Variants in ZMAT4 observed in about 807,000 individuals in gnomAD.
ZMAT4 encodes the protein zinc finger matrin-type 4.
A neutral mutation model predicts 28.7 loss-of-function variants in ZMAT4; 17 were observed. The observed-to-expected ratio is 0.59, with a 90% CI of 0.41 to 0.89. The LOEUF (loss-of-function observed/expected upper bound fraction) is 0.89. Ranked by LOEUF, ZMAT4 falls within the 40% of genes least tolerant of loss-of-function variation. The pLI is 0.00. For synonymous variants in ZMAT4, 117 were observed against 109.2 expected, an observed-to-expected ratio of 1.07 and a Z score of -0.44; for missense variants, 240 against 283.8, an observed-to-expected ratio of 0.85 and a Z score of 1.11.
chr8:40,806,721 T>A (rs1232456720), intron 2 of ZMAT4, among the ~76,000 whole-genome samples: 2 of 152,146 alleles, frequency 1.3e-5, no homozygotes, highest in Admixed American at 6.5e-5. Context: ...CCTTCTCATT[T>A]GTGTGGATGT....
chr8:40,793,935 A>C (rs1190528474), intron 2 of ZMAT4, among the ~76,000 whole-genome samples: 1 of 152,172 alleles, frequency 6.6e-6, no homozygotes, highest in East Asian at 1.9e-4. Context: ...GGACATATGC[A>C]AGCTCCCTTC....
At chr8:40,883,359 T>C (rs1257310294) in intron 1 of ZMAT4, among the ~76,000 whole-genome samples, 4 of 152,208 alleles carry the variant, frequency 2.6e-5, no homozygotes, top group Non-Finnish European at 4.4e-5. Flanking sequence ...CCATTAGGTG[T>C]TCCATTTCGT....
chr8:40,712,681 G>A (rs1034385691), intron 3 of ZMAT4, among the ~76,000 whole-genome samples: 4 of 152,182 alleles, frequency 2.6e-5, no homozygotes, highest in Non-Finnish European at 5.9e-5. Context: ...GCCATATCCT[G>A]AAATCATGGT....
intron 1 of ZMAT4, among the ~76,000 whole-genome samples, chr8:40,886,892 T>C (rs1163012642): frequency 6.6e-6 from 1 of 152,064 alleles, no homozygotes; most frequent in Non-Finnish European, 1.5e-5. Flanking sequence ...AGTTTTGAGG[T>C]AGGGCGCAGT....
chr8:40,560,216 TAA>T (rs397777968), intron 6 of ZMAT4, among the ~76,000 whole-genome samples: 1 of 148,614 alleles, frequency 6.7e-6, no homozygotes, highest in African/African-American at 2.5e-5. Flanking sequence ...TATATATATA[TAA>T]AATTTGACCA....
chr8:40,551,329 C>T (rs1470143977), intron 6 of ZMAT4, among the ~76,000 whole-genome samples: 1 of 152,062 alleles, frequency 6.6e-6, no homozygotes, highest in African/African-American at 2.4e-5. Context: ...TATTTTCTTT[C>T]CTTGAAGGAA....
intron 3 of ZMAT4, among the ~76,000 whole-genome samples, chr8:40,731,963 G>A (rs1811561602): frequency 6.6e-6 from 1 of 152,172 alleles, no homozygotes; most frequent in Non-Finnish European, 1.5e-5. Context: ...AGTGAAACAA[G>A]TCACTCATGA....
Position 40,657,834 on chromosome 8 carries a change from T to C in ZMAT4, c.577+16870A>G, listed in dbSNP as rs377296170. 9.8e-5 allele frequency among the ~76,000 whole-genome samples: 15 copies of C among 152,330 alleles called. No homozygotes were observed. In the South Asian group the frequency reaches 1.7e-3, roughly 17 times the overall value. On this transcript the variant is annotated intron_variant, in intron 5 of 6. Coordinates refer to ENST00000297737, the MANE Select transcript of ZMAT4 (RefSeq NM_024645.3). ...AGACGTTAAGTGAGGAATTAATGTA[T>C]GTAATAATTTTAGGTGTAGTTTTCT...
intron 2 of ZMAT4, among the ~76,000 whole-genome samples, chr8:40,817,469 C>T (rs1186822044): frequency 1.3e-5 from 2 of 152,158 alleles, no homozygotes. Context: ...AGAGGAAGAT[C>T]AGATTCTATT....
chr8:40,559,066 A>T (rs973757354), intron 6 of ZMAT4, among the ~76,000 whole-genome samples: 2 of 152,188 alleles, frequency 1.3e-5, no homozygotes, highest in Non-Finnish European at 2.9e-5. Flanking sequence ...TCAGCAGCTA[A>T]CAAGCACTGG....
intron 3 of ZMAT4, among the ~76,000 whole-genome samples, chr8:40,706,725 AT>A (rs34226845): frequency 6.6e-6 from 1 of 152,104 alleles, no homozygotes; most frequent in Non-Finnish European, 1.5e-5. Flanking sequence ...AAGCAAATTG[AT>A]TTTTTTCAAG....
intron 1 of ZMAT4, among the ~76,000 whole-genome samples, chr8:40,887,708 C>T (rs114828038): frequency 7.1e-4 from 108 of 152,216 alleles, no homozygotes; most frequent in African/African-American, 2.5e-3. Context: ...CCCAGAGACA[C>T]GGCAGAGGGG....
intron 5 of ZMAT4, among the ~76,000 whole-genome samples, chr8:40,643,970 A>G (rs1402556421): frequency 1.3e-5 from 2 of 152,180 alleles, no homozygotes; most frequent in Non-Finnish European, 2.9e-5. Flanking sequence ...TTCCAGCAAT[A>G]TTAAGTTTAA....
intron 5 of ZMAT4, among the ~76,000 whole-genome samples, chr8:40,613,741 C>A (rs897247084): frequency 1.3e-5 from 2 of 152,132 alleles, no homozygotes; most frequent in Admixed American, 6.5e-5. Context: ...CCAGGCCAGG[C>A]GCATGCCCTG....
intron 2 of ZMAT4, among the ~76,000 whole-genome samples, chr8:40,791,400 C>T (rs1391939896): frequency 6.6e-6 from 1 of 152,122 alleles, no homozygotes; most frequent in Non-Finnish European, 1.5e-5. Flanking sequence ...AACAGATAAC[C>T]ACAGAAACTA....
intron 6 of ZMAT4, among the ~76,000 whole-genome samples, chr8:40,541,010 C>A (rs1212940895): frequency 1.3e-5 from 2 of 152,138 alleles, no homozygotes; most frequent in Non-Finnish European, 2.9e-5. Flanking sequence ...CACGTAGCAG[C>A]TCTGTAGCTC....
intron 2 of ZMAT4, among the ~76,000 whole-genome samples, chr8:40,785,634 A>G (rs1025366823): frequency 6.6e-6 from 1 of 152,182 alleles, no homozygotes; most frequent in African/African-American, 2.4e-5. Flanking sequence ...ATTTTGATTC[A>G]GTCTCTTCAC....
intron 4 of ZMAT4, among the ~76,000 whole-genome samples, chr8:40,681,442 T>G (rs1809161324): frequency 6.6e-6 from 1 of 152,244 alleles, no homozygotes; most frequent in Admixed American, 6.5e-5. Context: ...TATCACTGTT[T>G]TTTTGCAAAT....
chr8:40,704,272 G>A (rs1201826436), intron 3 of ZMAT4, among the ~76,000 whole-genome samples: 2 of 152,186 alleles, frequency 1.3e-5, no homozygotes, highest in Admixed American at 6.5e-5. Flanking sequence ...GGGATCAGAA[G>A]GCCTGGAAGT....
Sources: allele counts gnomAD v4.1 joint callset (sites outside exome capture counted in the v4.1 genomes callset), GRCh38; gene constraint gnomAD v4.1.1; transcripts MANE v1.5; gene names NCBI Gene and HGNC (gene_info 2026-07-23, HGNC 2026-07-21).